KDM3A: variants seen among roughly 807,000 people sequenced by gnomAD.
KDM3A encodes lysine-specific demethylase 3A.
In KDM3A, 60 loss-of-function variants were observed where a neutral mutation model predicts 158.0. The observed-to-expected ratio is 0.38, with a 90% confidence interval of 0.31 to 0.47. The LOEUF (loss-of-function observed/expected upper bound fraction) is 0.47. Ranked by LOEUF, KDM3A falls within the 20% of genes least tolerant of loss-of-function variation. KDM3A has a pLI of 0.99. For synonymous variants in KDM3A, 608 were observed against 549.3 expected, an observed-to-expected ratio of 1.11 and a Z score of -1.49; for missense variants, 1,319 against 1,574.3, an observed-to-expected ratio of 0.84 and a Z score of 2.74.
intron 10 of KDM3A, among the ~76,000 whole-genome samples, chr2:86,468,760 G>T (rs899109502): frequency 1.3e-5 from 2 of 152,130 alleles, no homozygotes; most frequent in African/African-American, 4.8e-5. Context: ...TCAAACAGCT[G>T]CCTTTTTTTC....
intron 18 of KDM3A, chr2:86,482,935 T>A (rs986559955): frequency 2.0e-6 from 1 of 489,718 alleles, no homozygotes; most frequent in African/African-American, 2.0e-5. Context: ...CCCTGTTGGG[T>A]TTTTGACGAG....
Position 86,482,522 on chromosome 2 carries a change from A to G in KDM3A, c.2750A>G (p.Asn917Ser). 3 of 1,614,232 alleles carry G rather than the reference A, an allele frequency of 1.9e-6. No homozygotes were observed. Among genetic ancestry groups the G allele is most frequent in the Non-Finnish European group, 2.5e-6 (3 of 1,180,034 alleles). ...GACATCTTTGCCTCTTTGGTGCAAA[A>G]TAAGACGACTTCTGATTTATCTAAG... is the stretch of plus-strand genomic sequence containing the variant. ...LDDIFASLVQ[N>S]KTTSDLSKRP... The change falls in exon 18 of 26, where the codon AAT becomes AGT. Residue 917 changes from asparagine (N) to serine (S), a missense_variant. Asn to Ser is a conservative substitution (Grantham distance 46). This residue lies in a region of KDM3A where 368 missense variants were observed against 415.8 expected (regional missense o/e 0.89). Coordinates refer to ENST00000312912, the MANE Select transcript of KDM3A (RefSeq NM_018433.6).
At chr2:86,437,765 C>A (rs891971732), upstream of KDM3A, among the ~76,000 whole-genome samples, 1 of 152,058 alleles carries the variant, frequency 6.6e-6, no homozygotes, top group Non-Finnish European at 1.5e-5. Flanking sequence ...GTTTTATTAT[C>A]ATTAATGGTT....
Position 86,456,835 on chromosome 2 carries a change from C to G in KDM3A, c.712C>G (p.Leu238Val). Residue 238 changes from leucine to valine, a missense_variant, in exon 7 of 26, where the codon CTG (leucine) becomes GTG (valine). Physicochemically the swap from Leu to Val is conservative, Grantham distance 32. Coordinates refer to ENST00000312912, the MANE Select transcript of KDM3A (RefSeq NM_018433.6). ...AGCACTGAAAATTGTTGATCCGTCA[C>G]TGATTCATGTTGAAGTTGTACACGA... ...IPALKIVDPS[L>V]IHVEVVHDNL... 6.2e-7 allele frequency: 1 copy of G among 1,612,598 alleles called. No homozygotes were observed. The highest frequency in any genetic ancestry group is 8.5e-7 in the Non-Finnish European group (1 of 1,178,912).
chr2:86,446,672 T>C (rs778764360), intron 2 of KDM3A, among the ~76,000 whole-genome samples: 10 of 152,196 alleles, frequency 6.6e-5, no homozygotes, highest in Non-Finnish European at 1.5e-4. Context: ...ATCGCGCCAC[T>C]ACACTCCAGC....
chr2:86,470,459 A>G (rs772326022), intron 11 of KDM3A, 51 bp downstream of exon 11: 1 of 1,452,562 alleles, frequency 6.9e-7, no homozygotes, highest in South Asian at 1.2e-5. Context: ...TTGTTATGCT[A>G]GATCATCTGG....
rs1235229788 is a variant in KDM3A, at chr2:86,474,823, C to T, written c.1772C>T (p.Thr591Ile). The T allele has an allele frequency of 3.1e-6, 5 of 1,610,916 alleles. No individual in the cohort carries two copies. In the African/African-American group the frequency reaches 4.0e-5, roughly 13 times the overall value. ...GTGTTGCGGGTAGAAGGCTTCTTAA[C>T]ACCAAACAAGTATGACAATGAAGCA... ...HGVLRVEGFL[T>I]PNKYDNEAIG... Residue 591 changes from threonine to isoleucine, a missense_variant, in exon 12 of 26, where the codon ACA becomes ATA. Physicochemically the swap from Thr to Ile is moderately conservative, Grantham distance 89 (BLOSUM62 -1). Transcript: ENST00000312912.
chr2:86,484,848 T>C, intron 19 of KDM3A, 94 bp from the exon 20 acceptor site: 1 of 657,760 alleles, frequency 1.5e-6, no homozygotes, highest in South Asian at 2.2e-5. Context: ...ACATATTTTA[T>C]TTGTATTGTT....
upstream of KDM3A, chr2:86,441,327 G>C (rs535886814): frequency 6.6e-6 from 1 of 152,404 alleles, no homozygotes; most frequent in South Asian, 2.1e-4. Context: ...TCCGAGGGGG[G>C]CGGGTCCGGG....
chr2:86,469,152 T>C (rs541338785), intron 10 of KDM3A, among the ~76,000 whole-genome samples: 2 of 152,236 alleles, frequency 1.3e-5, no homozygotes, highest in Non-Finnish European at 2.9e-5. Context: ...GAAATTTACA[T>C]GTGGTCTAGT....
rs1241234842 is a variant in KDM3A at position 86,456,433 on chromosome 2, T to TTG, written c.557-8_557-7insGT. On this transcript the variant is annotated splice_polypyrimidine_tract_variant and intron_variant, in intron 5 of 25. Coordinates refer to ENST00000312912, the MANE Select transcript of KDM3A (RefSeq NM_018433.6). ...GCTCTAAGATTTTTTTTTTTTTTTT[T>TTG]TTTTTAAGGTGACAAAAACTTAGTT... 1 of 1,440,674 alleles carries TTG rather than the reference T, an allele frequency of 6.9e-7. No individual in the cohort carries two copies. The highest frequency in any genetic ancestry group is 2.6e-5 in the East Asian group (1 of 38,316). 89.2% of individuals were successfully genotyped at this position (1,440,674 alleles called of 1,614,324 possible).
chr2:86,476,024 C>A (rs932117269), intron 12 of KDM3A, among the ~76,000 whole-genome samples: 1 of 152,214 alleles, frequency 6.6e-6, no homozygotes, highest in Non-Finnish European at 1.5e-5. Flanking sequence ...CAGAGCTATT[C>A]TTTAGAATTA....
At chr2:86,448,780 TAGTA>T (rs1683051078) in intron 2 of KDM3A, among the ~76,000 whole-genome samples, 1 of 152,226 alleles carries the variant, frequency 6.6e-6, no homozygotes, top group African/African-American at 2.4e-5. Context: ...GAGACCTCTT[TAGTA>T]AGAGGAGGAA....
chr2:86,490,471 G>T, intron 23 of KDM3A: 1 of 155,500 alleles, frequency 6.4e-6, no homozygotes, highest in Non-Finnish European at 1.4e-5. Flanking sequence ...CCAGTTACTG[G>T]ATCAAGGATA....
At chr2:86,463,059 C>T (rs1672989680) in intron 8 of KDM3A, among the ~76,000 whole-genome samples, 1 of 152,160 alleles carries the variant, frequency 6.6e-6, no homozygotes, top group Admixed American at 6.5e-5. Context: ...CTGCTGCACT[C>T]TAGCCTGGGT....
intron 8 of KDM3A, 137 bp from the exon 9 acceptor site, chr2:86,463,916 C>G: frequency 1.8e-6 from 1 of 552,272 alleles, no homozygotes; most frequent in East Asian, 3.3e-5. Flanking sequence ...TCACTTGTTT[C>G]ACTTTCCTGT....
At chr2:86,454,695 C>A (rs914370517) in intron 4 of KDM3A, among the ~76,000 whole-genome samples, 19 of 151,682 alleles carry the variant, frequency 1.3e-4, no homozygotes, top group African/African-American at 4.4e-4. Flanking sequence ...TGTTTTTTGT[C>A]CCTTGGATTT....
At chr2:86,489,976 A>G (rs539270765) in intron 23 of KDM3A, 125 of 214,488 alleles carry the variant, frequency 5.8e-4, no homozygotes, top group Middle Eastern at 3.4e-3. Context: ...ATCTGTTTTT[A>G]TTGCCTTGAG....
chr2:86,456,620 A>C (rs1039733859), intron 6 of KDM3A, 54 bp downstream of exon 6: 2 of 1,525,366 alleles, frequency 1.3e-6, no homozygotes, highest in Non-Finnish European at 9.0e-7. Context: ...TGATAACTAT[A>C]CAAAGCATTT....
Sources: gnomAD v4.1 joint callset for allele counts (sites outside exome capture counted in the v4.1 genomes callset) on GRCh38, gnomAD v4.1.1 for gene constraint, gnomAD v4.1.1 regional missense constraint, MANE v1.5 for transcripts, NCBI Gene and HGNC (gene_info 2026-07-23, HGNC 2026-07-21) for gene names.